Variants in RAB27A observed in about 807,000 individuals in gnomAD.
The protein encoded by RAB27A is RAB27A, member RAS oncogene family.
In RAB27A, 17 loss-of-function variants were observed where a neutral mutation model predicts 20.8. The observed-to-expected ratio is 0.82, with a 90% CI of 0.56 to 1.23. The LOEUF is 1.23. Among genes scored for constraint, RAB27A ranks in the 50% most tolerant of loss-of-function variants. The pLI is 0.00. For missense variants in RAB27A, 277 were observed against 266.7 expected (o/e 1.04, Z -0.27); for synonymous variants, 85 against 92.8 (o/e 0.92, Z 0.48).
intron 6 of RAB27A, among the ~76,000 whole-genome samples, chr15:55,207,955 C>G (rs1894732125): frequency 6.6e-6 from 1 of 152,078 alleles, no homozygotes; most frequent in South Asian, 2.1e-4. Context: ...CACACCTGGC[C>G]AAAAAACCTG....
At chr15:55,302,146 C>A (rs1266015754) in intron 2 of RAB27A, among the ~76,000 whole-genome samples, 3 of 147,442 alleles carry the variant, frequency 2.0e-5, no homozygotes, top group African/African-American at 7.7e-5. Context: ...CACTGCACTC[C>A]AGCCTGGGTG....
intron 2 of RAB27A, among the ~76,000 whole-genome samples, chr15:55,311,400 G>A (rs764185731): frequency 1.1e-4 from 17 of 152,180 alleles, no homozygotes; most frequent in South Asian, 4.1e-4. Flanking sequence ...GGGCATAATC[G>A]GGGAAAATTG....
intron 1 of RAB27A, among the ~76,000 whole-genome samples, chr15:55,285,485 C>T (rs990937072): frequency 6.6e-6 from 1 of 152,182 alleles, no homozygotes; most frequent in African/African-American, 2.4e-5. Context: ...ACTCCACACA[C>T]CTTACCCTAC....
chr15:55,267,327 G>C (rs1897532055), intron 2 of RAB27A, among the ~76,000 whole-genome samples: 1 of 152,158 alleles, frequency 6.6e-6, no homozygotes, highest in South Asian at 2.1e-4. Flanking sequence ...GATGCTCTCA[G>C]CTCTTGAAAG....
intron 3 of RAB27A, among the ~76,000 whole-genome samples, chr15:55,231,542 G>T (rs994165942): frequency 1.3e-5 from 2 of 152,174 alleles, no homozygotes; most frequent in African/African-American, 4.8e-5. Context: ...AGTAAAAACA[G>T]TAAGCTTTGA....
chr15:55,232,208 T>C (rs1311985322), intron 3 of RAB27A, among the ~76,000 whole-genome samples: 1 of 152,130 alleles, frequency 6.6e-6, no homozygotes, highest in Non-Finnish European at 1.5e-5. Context: ...TAATAAACTC[T>C]CTCCACTCAT....
chr15:55,225,880 T>C lies in RAB27A; in HGVS notation c.344-1868A>G, dbSNP rs182222342. On this transcript the variant is annotated intron_variant, in intron 5 of 6. Transcript: ENST00000336787. Reference sequence around the variant, plus strand: ...TACACAGTATAAAATGTAACAGGGGTTAAAAGGAGGGAAAACATCTAACAC... The same window carrying C: ...TACACAGTATAAAATGTAACAGGGGCTAAAAGGAGGGAAAACATCTAACAC... 1.9e-3 allele frequency among the ~76,000 whole-genome samples: 288 copies of C among 151,622 alleles called. 1 individual carries two copies. Among genetic ancestry groups the C allele is most frequent in the African/African-American group, 6.7e-3 (276 of 41,314 alleles).
chr15:55,262,287 A>G (rs567478358), intron 2 of RAB27A, among the ~76,000 whole-genome samples: 31 of 152,196 alleles, frequency 2.0e-4, no homozygotes, highest in Non-Finnish European at 1.0e-4. Flanking sequence ...CATGCATGTA[A>G]TCCTAGCAAT....
At chr15:55,241,618 ATATATATG>A (rs1036426774) in intron 2 of RAB27A, among the ~76,000 whole-genome samples, 37 of 130,416 alleles carry the variant, frequency 2.8e-4, no homozygotes, top group African/African-American at 1.3e-3. Context: ...ATATATATAT[ATATATATG>A]TGTGTATATA....
At chr15:55,230,877 T>C (rs1337798904) in intron 3 of RAB27A, among the ~76,000 whole-genome samples, 2 of 152,136 alleles carry the variant, frequency 1.3e-5, no homozygotes, top group Non-Finnish European at 2.9e-5. Flanking sequence ...CGTAGATAGA[T>C]TGCATAATGC....
At position 55,205,537 on chromosome 15, in the gene RAB27A, T is replaced by G. The variant is rs1210017547; in HGVS notation, c.636A>C (p.Glu212Asp). ...AGCCACATGCCCCTTTCTCCTTTTCTTCACTTAACTGATCCGTAGAGGCAT... is the reference window on the plus strand; with the variant it reads ...AGCCACATGCCCCTTTCTCCTTTTCGTCACTTAACTGATCCGTAGAGGCAT... ...NGHASTDQLS[E>D]EKEKGACGC The change falls in exon 7 of 7, where the codon GAA (glutamate) becomes GAC (aspartate). Residue 212 changes from glutamate to aspartate, a missense_variant. Glu to Asp is a conservative substitution (Grantham distance 45). Transcript: ENST00000336787. 9.3e-6 allele frequency: 15 copies of G among 1,614,080 alleles called. No individual in the cohort carries two copies. The East Asian group carries it at 1.6e-4, about 17-fold the overall frequency.
chr15:55,283,082 A>G (rs1181058796), intron 1 of RAB27A, among the ~76,000 whole-genome samples: 2 of 152,200 alleles, frequency 1.3e-5, no homozygotes, highest in African/African-American at 4.8e-5. Context: ...AAGAGGTTGA[A>G]TGAGTTGTCT....
chr15:55,261,689 C>T (rs1372662835), intron 2 of RAB27A, among the ~76,000 whole-genome samples: 7 of 126,710 alleles, frequency 5.5e-5, no homozygotes, highest in Admixed American at 3.0e-4. Context: ...TGCAGTGAGC[C>T]GAGATCACTC....
chr15:55,276,283 TA>T (rs1172910793), intron 1 of RAB27A, among the ~76,000 whole-genome samples: 4 of 152,080 alleles, frequency 2.6e-5, no homozygotes, highest in African/African-American at 9.7e-5. Context: ...TATTCAGCCT[TA>T]AAAAAGAAAT....
At chr15:55,241,461 G>A (rs1298375884) in intron 2 of RAB27A, among the ~76,000 whole-genome samples, 1 of 151,740 alleles carries the variant, frequency 6.6e-6, no homozygotes, top group Admixed American at 6.6e-5. Context: ...ATTGCCTGGT[G>A]AGAGAAAGTC....
At chr15:55,292,025 G>C (rs1003666239), upstream of RAB27A, among the ~76,000 whole-genome samples, 1 of 152,196 alleles carries the variant, frequency 6.6e-6, no homozygotes, top group Non-Finnish European at 1.5e-5. Flanking sequence ...AAATGGAGCA[G>C]AGGGAAGGCC....
chr15:55,297,979 T>G (rs2054956375), intron 2 of RAB27A, among the ~76,000 whole-genome samples: 1 of 151,814 alleles, frequency 6.6e-6, no homozygotes, highest in African/African-American at 2.4e-5. Context: ...GAGGTGGGCA[T>G]ATCATGAGGT....
chr15:55,238,151 A>G (rs1362304755), intron 2 of RAB27A: 2 of 152,116 alleles, frequency 1.3e-5, no homozygotes, highest in Non-Finnish European at 2.9e-5. Context: ...TAAGACAATT[A>G]TCTGCTTTCT....
intron 6 of RAB27A, among the ~76,000 whole-genome samples, chr15:55,221,145 G>C (rs777928197): frequency 5.2e-4 from 79 of 152,276 alleles, no homozygotes; most frequent in Non-Finnish European, 9.3e-4. Flanking sequence ...GGAATCCTAA[G>C]ACCGAGGGCA....
Sources: allele counts gnomAD v4.1 joint callset (sites outside exome capture counted in the v4.1 genomes callset), GRCh38; gene constraint gnomAD v4.1.1; transcripts MANE v1.5; gene names NCBI Gene and HGNC (gene_info 2026-07-23, HGNC 2026-07-21).